Variants in ZNF652 observed in about 807,000 individuals in gnomAD.
ZNF652 encodes zinc finger protein 652.
In ZNF652, 16 loss-of-function variants were observed where a neutral mutation model predicts 45.2. The ratio of observed to expected loss-of-function variants is 0.35; its 90% confidence interval spans 0.24 to 0.54. ZNF652 has a LOEUF of 0.54. ZNF652 is among the 20% of genes least tolerant of loss of function. The pLI is 0.91. For synonymous variants in ZNF652, 250 were observed against 260.6 expected, an observed-to-expected ratio of 0.96 and a Z score of 0.39; for missense variants, 614 against 765.6, an observed-to-expected ratio of 0.80 and a Z score of 2.34.
rs1178434426 is a variant in ZNF652 at position 49,293,961 on chromosome 17, G to A, written c.*4452C>T. ...AAACAGAAAGGTTTCTCTAACTTTA[G>A]TTTTTTAGTTTTTTTTTAAAACATT... On this transcript the variant is annotated 3_prime_UTR_variant, in exon 6 of 6. Coordinates refer to ENST00000430262, the MANE Select transcript of ZNF652 (RefSeq NM_001145365.3). Among the ~76,000 whole-genome samples, 1 of 151,894 alleles carries A rather than the reference G, an allele frequency of 6.6e-6. No individual in the cohort carries two copies. Among genetic ancestry groups the A allele is most frequent in the African/African-American group, 2.4e-5 (1 of 41,384 alleles).
At position 49,316,811 on chromosome 17, in the gene ZNF652, G is replaced by A. The variant is rs770150466; in HGVS notation, c.900+15C>T. ...TCTATCCTGAAAAGTTTTCCCTCTC[G>A]GTGATGAAACCTACCTGAATGTTTT... On this transcript the variant is annotated intron_variant, in intron 2 of 5. Transcript: ENST00000430262. The A allele has an allele frequency of 4.0e-5, 63 of 1,592,966 alleles. No homozygotes were observed. In the South Asian group the frequency reaches 6.2e-4, roughly 16 times the overall value.
rs1361067759 is a variant in ZNF652, at chr17:49,289,545, C to T, written c.*8868G>A. The T allele has an allele frequency of 6.6e-6, 1 of 152,196 alleles. No individual in the cohort carries two copies. The highest frequency in any genetic ancestry group is 1.5e-5 in the Non-Finnish European group (1 of 68,046). 9.4% of individuals were successfully genotyped at this position (152,196 alleles called of 1,614,324 possible). On this transcript the variant is annotated 3_prime_UTR_variant, in exon 6 of 6. Coordinates refer to ENST00000430262, the MANE Select transcript of ZNF652 (RefSeq NM_001145365.3). ...GCTGGAAAAAATGACTCAGGGAAGC[C>T]GGGCAGCATGGGCTCCTTTGGAGAT...
In ZNF652 at chr17:49,345,149, G is replaced by A. The variant is rs112103192; in HGVS notation, c.-259+16760C>T. On this transcript the variant is annotated intron_variant, in intron 1 of 5. Transcript: ENST00000430262. ...GATAAAATCCATTCAGATGACTGGC[G>A]ACTTTTTGGAAGGGGCAGTGAGGGG... 7.1e-3 allele frequency among the ~76,000 whole-genome samples: 1,073 copies of A among 151,632 alleles called. 16 individuals are homozygous for A. Among genetic ancestry groups the A allele is most frequent in the African/African-American group, 0.022 (927 of 41,352 alleles).
chr17:49,331,775 A>G (rs974866689), intron 1 of ZNF652, among the ~76,000 whole-genome samples: 3 of 152,210 alleles, frequency 2.0e-5, no homozygotes, highest in African/African-American at 7.2e-5. Flanking sequence ...TTTCTCATTA[A>G]CAAAAATTTT....
At chr17:49,306,466 T>C (rs1004406317) in intron 5 of ZNF652, among the ~76,000 whole-genome samples, 3 of 152,178 alleles carry the variant, frequency 2.0e-5, no homozygotes, top group Non-Finnish European at 4.4e-5. Flanking sequence ...TCAATTTTTT[T>C]TGGTTTTTAA....
At chr17:49,315,896 G>T (rs2143793171) in intron 2 of ZNF652, among the ~76,000 whole-genome samples, 1 of 152,286 alleles carries the variant, frequency 6.6e-6, no homozygotes, top group East Asian at 1.9e-4. Flanking sequence ...AAAAGCAACA[G>T]AAGAAAAGTG....
At chr17:49,351,010 TATATAC>T (rs1392958034) in intron 1 of ZNF652, among the ~76,000 whole-genome samples, 395 of 19,614 alleles carry the variant, frequency 0.02, 5 homozygotes, top group African/African-American at 0.072. Context: ...TATATATATA[TATATAC>T]ACACACACAC....
chr17:49,340,185 C>T (rs1210906820), intron 1 of ZNF652, among the ~76,000 whole-genome samples: 2 of 152,128 alleles, frequency 1.3e-5, no homozygotes, highest in Non-Finnish European at 2.9e-5. Flanking sequence ...GAGGCCGAGG[C>T]GGGCGGATTA....
At chr17:49,340,239 G>C (rs2070130214) in intron 1 of ZNF652, among the ~76,000 whole-genome samples, 1 of 151,966 alleles carries the variant, frequency 6.6e-6, no homozygotes, top group Non-Finnish European at 1.5e-5. Context: ...ACATGGCAAA[G>C]CCCCATCTCT....
At chr17:49,340,536 C>T (rs771892426) in intron 1 of ZNF652, among the ~76,000 whole-genome samples, 8 of 112,570 alleles carry the variant, frequency 7.1e-5, no homozygotes, top group Non-Finnish European at 1.2e-4. Context: ...GGCAACAAAG[C>T]GAGACTCTGT....
intron 5 of ZNF652, among the ~76,000 whole-genome samples, chr17:49,302,219 G>C (rs2960172): frequency 6.6e-6 from 1 of 151,278 alleles, no homozygotes; most frequent in African/African-American, 2.4e-5. Context: ...GCACCACTGC[G>C]CTCAAGCCTG....
intron 1 of ZNF652, among the ~76,000 whole-genome samples, chr17:49,338,076 C>T (rs2070105012): frequency 6.6e-6 from 1 of 152,016 alleles, no homozygotes; most frequent in Non-Finnish European, 1.5e-5. Flanking sequence ...CAGCCTCGAC[C>T]TCCCAGGCTC....
At chr17:49,300,802 A>G (rs1244026762) in intron 5 of ZNF652, among the ~76,000 whole-genome samples, 2 of 152,146 alleles carry the variant, frequency 1.3e-5, no homozygotes, top group Non-Finnish European at 2.9e-5. Context: ...GACACTGCTA[A>G]CTGCTTTACA....
downstream of ZNF652, chr17:49,288,278 AT>A (rs2069362293): frequency 1.3e-5 from 2 of 152,256 alleles, no homozygotes; most frequent in Admixed American, 1.3e-4. Context: ...CCTACCCTGT[AT>A]CTATGAAGAA....
At chr17:49,326,827 A>G (rs543791560) in intron 1 of ZNF652, among the ~76,000 whole-genome samples, 3 of 152,272 alleles carry the variant, frequency 2.0e-5, no homozygotes, top group South Asian at 2.1e-4. Flanking sequence ...AATTTCTTTC[A>G]TGGATCTCTG....
chr17:49,331,349 C>T (rs539382376), intron 1 of ZNF652, among the ~76,000 whole-genome samples: 11 of 152,134 alleles, frequency 7.2e-5, no homozygotes, highest in Admixed American at 1.3e-4. Flanking sequence ...TCTCGATCTC[C>T]TGACCTCGTG....
At chr17:49,328,438 A>G (rs1333369420) in intron 1 of ZNF652, among the ~76,000 whole-genome samples, 1 of 152,146 alleles carries the variant, frequency 6.6e-6, no homozygotes, top group Admixed American at 6.5e-5. Flanking sequence ...GTCCTCTCCA[A>G]ATTTCATGTT....
At chr17:49,329,723 C>T (rs898639340) in intron 1 of ZNF652, among the ~76,000 whole-genome samples, 2 of 152,210 alleles carry the variant, frequency 1.3e-5, no homozygotes. Flanking sequence ...TAGTTTTTTA[C>T]ACACGCATTT....
rs11342868 is a variant in ZNF652, at chr17:49,315,042, G to GTTT, written c.900+1781_900+1783dup. On this transcript the variant is annotated intron_variant, in intron 2 of 5. Coordinates refer to ENST00000430262, the MANE Select transcript of ZNF652 (RefSeq NM_001145365.3). Reference sequence around the variant, plus strand: ...CGGCCTTAGGGGAGGGTTTTAGTTTGTTTTTTTTTTTTTTTTGAGACGGAG... The same window carrying GTTT: ...CGGCCTTAGGGGAGGGTTTTAGTTTGTTTTTTTTTTTTTTTTTTTGAGACGGAG... Among the ~76,000 whole-genome samples the GTTT allele has an allele frequency of 7.2e-4, 96 of 134,216 alleles. 1 individual carries two copies. The highest frequency in any genetic ancestry group is 2.4e-3 in the African/African-American group (87 of 35,744). The allele number at this position is 134,216 out of a possible 152,430, so 88.1% of individuals were successfully genotyped here.
Sources: gnomAD v4.1 joint callset for allele counts (sites outside exome capture counted in the v4.1 genomes callset) on GRCh38, gnomAD v4.1.1 for gene constraint, MANE v1.5 for transcripts, NCBI Gene and HGNC (gene_info 2026-07-23, HGNC 2026-07-21) for gene names.